Variants in MDFIC2 observed in about 807,000 individuals in gnomAD.
MDFIC2 encodes MyoD family inhibitor domain containing 2, also known as myoD family inhibitor domain-containing protein 2.
At chr3:70,220,408 C>T (rs564033924) in intron 2 of MDFIC2, among the ~76,000 whole-genome samples, 20 of 152,028 alleles carry the variant, frequency 1.3e-4, no homozygotes, top group Admixed American at 1.2e-3. Flanking sequence ...CACTCCACTC[C>T]ACCTGGGAGA....
intron 2 of MDFIC2, among the ~76,000 whole-genome samples, chr3:70,239,805 A>T (rs1701648739): frequency 6.6e-6 from 1 of 152,106 alleles, no homozygotes; most frequent in Non-Finnish European, 1.5e-5. Flanking sequence ...CGTCTCGTTC[A>T]ACTCAGTGTT....
intron 2 of MDFIC2, chr3:70,272,247 A>G (rs1367160548): frequency 6.6e-6 from 1 of 152,168 alleles, no homozygotes; most frequent in Non-Finnish European, 1.5e-5. Flanking sequence ...AAATATTTCT[A>G]TCTCCCCAAG....
chr3:70,277,361 T>C (rs1473595424), intron 2 of MDFIC2, among the ~76,000 whole-genome samples: 1 of 152,200 alleles, frequency 6.6e-6, no homozygotes, highest in Non-Finnish European at 1.5e-5. Flanking sequence ...TATTTGACTT[T>C]TTTCCCCCAG....
chr3:70,247,872 T>A (rs1004248375), intron 2 of MDFIC2, among the ~76,000 whole-genome samples: 1 of 151,992 alleles, frequency 6.6e-6, no homozygotes, highest in Non-Finnish European at 1.5e-5. Flanking sequence ...TAAAATAATA[T>A]CATAAGTTAT....
chr3:70,299,214 A>G (rs1312547236), intron 2 of MDFIC2, among the ~76,000 whole-genome samples: 4 of 152,152 alleles, frequency 2.6e-5, no homozygotes, highest in Non-Finnish European at 4.4e-5. Flanking sequence ...TATGCAGTAA[A>G]TCTATGTTTA....
intron 2 of MDFIC2, among the ~76,000 whole-genome samples, chr3:70,284,370 T>C (rs1434714446): frequency 6.6e-6 from 1 of 152,162 alleles, no homozygotes; most frequent in East Asian, 1.9e-4. Context: ...AGTTTTCATA[T>C]GTTTCCAGCA....
intron 2 of MDFIC2, among the ~76,000 whole-genome samples, chr3:70,236,182 A>G (rs1277472956): frequency 6.6e-6 from 1 of 152,174 alleles, no homozygotes; most frequent in Non-Finnish European, 1.5e-5. Context: ...ATGACTGCTA[A>G]ATCCAAACTA....
chr3:70,240,929 A>C (rs1263772837), intron 2 of MDFIC2, among the ~76,000 whole-genome samples: 1 of 152,208 alleles, frequency 6.6e-6, no homozygotes. Flanking sequence ...ATAAAAGTTG[A>C]TTCATCATTT....
rs561856699 is a variant in MDFIC2, at chr3:70,273,025, C to CA, written c.88+38860dup. On this transcript the variant is annotated intron_variant, in intron 2 of 3. Transcript: ENST00000567252. ...ACTTCCTCCCTTATCACTCCACCTC[C>CA]AAATATCCTTCTCACTCTCCTGCCT... 3.3e-4 allele frequency among the ~76,000 whole-genome samples: 50 copies of CA among 152,276 alleles called. No homozygotes were observed. The East Asian group carries it at 9.3e-3, about 28-fold the overall frequency.
chr3:70,261,201 G>A (rs982988148), intron 2 of MDFIC2, among the ~76,000 whole-genome samples: 1 of 152,138 alleles, frequency 6.6e-6, no homozygotes, highest in East Asian at 1.9e-4. Context: ...AAGACATTTG[G>A]TGGTCAAAGC....
rs1262283680 is a variant in MDFIC2, at chr3:70,286,619, G to C, written c.88+25267C>G. ...AGAAAGTCATTGGTAGCTTGATGGG[G>C]ATGGCATTGAATCTGTAAATTACCT... On this transcript the variant is annotated intron_variant, in intron 2 of 3. Coordinates refer to ENST00000567252, the MANE Select transcript of MDFIC2 (RefSeq NM_001364677.1). Among the ~76,000 whole-genome samples, 3 of 151,926 alleles carry C rather than the reference G, an allele frequency of 2.0e-5. No homozygotes were observed. The East Asian group carries it at 5.8e-4, about 29-fold the overall frequency.
intron 2 of MDFIC2, among the ~76,000 whole-genome samples, chr3:70,249,849 G>T (rs1045662485): frequency 2.6e-5 from 4 of 152,104 alleles, no homozygotes; most frequent in African/African-American, 9.7e-5. Context: ...AAAATAAGAT[G>T]CTGAAATTCC....
At chr3:70,208,614 A>T (rs1300531047) in intron 2 of MDFIC2, among the ~76,000 whole-genome samples, 1 of 152,072 alleles carries the variant, frequency 6.6e-6, no homozygotes, top group Non-Finnish European at 1.5e-5. Flanking sequence ...CATGTAGACA[A>T]GTTTGGGAAC....
In MDFIC2 at chr3:70,294,528, A is replaced by G. The variant is rs1476768731; in HGVS notation, c.88+17358T>C. Among the ~76,000 whole-genome samples the G allele has an allele frequency of 6.6e-5, 10 of 152,174 alleles. No individual in the cohort carries two copies. In the East Asian group the frequency reaches 1.5e-3, roughly 23 times the overall value. On this transcript the variant is annotated intron_variant, in intron 2 of 3. Coordinates refer to ENST00000567252, the MANE Select transcript of MDFIC2 (RefSeq NM_001364677.1). ...TGACTATGAGGAAAAAAGTAAAATA[A>G]TAATAGTAGTCATTATTGGGTGTGA... is the stretch of plus-strand genomic sequence containing the variant.
intron 2 of MDFIC2, among the ~76,000 whole-genome samples, chr3:70,236,656 C>T (rs1224478225): frequency 6.6e-6 from 1 of 152,078 alleles, no homozygotes; most frequent in Non-Finnish European, 1.5e-5. Flanking sequence ...AGTGCAGCGG[C>T]ACAATCATGG....
chr3:70,216,498 A>G (rs970047320), intron 2 of MDFIC2, among the ~76,000 whole-genome samples: 1 of 152,032 alleles, frequency 6.6e-6, no homozygotes, highest in Admixed American at 6.6e-5. Context: ...ACTTACCCAG[A>G]GTCACATAAC....
At chr3:70,302,962 A>G (rs1702365058) in intron 2 of MDFIC2, among the ~76,000 whole-genome samples, 1 of 152,200 alleles carries the variant, frequency 6.6e-6, no homozygotes, top group South Asian at 2.1e-4. Context: ...TTGTTGGCCT[A>G]TGAGAACACA....
chr3:70,213,918 G>A (rs1701377375), intron 2 of MDFIC2, among the ~76,000 whole-genome samples: 1 of 152,046 alleles, frequency 6.6e-6, no homozygotes, highest in South Asian at 2.1e-4. Flanking sequence ...ATTAGGAAGA[G>A]GAAGATTTCT....
At chr3:70,258,725 G>A (rs1701840201) in intron 2 of MDFIC2, among the ~76,000 whole-genome samples, 1 of 152,046 alleles carries the variant, frequency 6.6e-6, no homozygotes, top group Admixed American at 6.5e-5. Context: ...GTTTTTAATA[G>A]CGAAAACTTT....
Sources: gnomAD v4.1 joint callset for allele counts (sites outside exome capture counted in the v4.1 genomes callset) on GRCh38, gnomAD v4.1.1 for gene constraint, MANE v1.5 for transcripts, NCBI Gene and HGNC (gene_info 2026-07-23, HGNC 2026-07-21) for gene names.